The following PPP3CC variants were observed in gnomAD, a reference collection of about 807,000 sequenced individuals.
PPP3CC encodes the protein protein phosphatase 3 catalytic subunit gamma.
A neutral mutation model predicts 60.3 loss-of-function variants in PPP3CC; 35 were observed. The ratio of observed to expected loss-of-function variants is 0.58; its 90% CI spans 0.44 to 0.77. The LOEUF (loss-of-function observed/expected upper bound fraction) is 0.77. Ranked by LOEUF, PPP3CC falls within the 30% of genes least tolerant of loss-of-function variation. The pLI, the probability that PPP3CC is intolerant of heterozygous loss-of-function variation, is 0.00. For synonymous variants in PPP3CC, 206 were observed against 224.3 expected, an observed-to-expected ratio of 0.92 and a Z score of 0.73; for missense variants, 570 against 628.9, an observed-to-expected ratio of 0.91 and a Z score of 1.00.
At chr8:22,540,530 T>C (rs933966610) in intron 13 of PPP3CC, 85 bp from the exon 14 acceptor site, 7 of 1,330,094 alleles carry the variant, frequency 5.3e-6, no homozygotes, top group African/African-American at 1.5e-5. Flanking sequence ...CTCTAGGAGG[T>C]TGCTGTGTGC....
chr8:22,474,075 A>G (rs1266376954), intron 1 of PPP3CC, among the ~76,000 whole-genome samples: 1 of 151,090 alleles, frequency 6.6e-6, no homozygotes, highest in African/African-American at 2.4e-5. Context: ...TTGTATTTTT[A>G]GTAGAGGTGG....
chr8:22,497,275 C>T (rs557523361), intron 3 of PPP3CC, among the ~76,000 whole-genome samples: 11 of 151,870 alleles, frequency 7.2e-5, no homozygotes, highest in Admixed American at 2.6e-4. Context: ...GTGATCTGCC[C>T]GCCTTGGCCT....
chr8:22,511,316 G>C, intron 5 of PPP3CC, 85 bp downstream of exon 5: 1 of 1,406,108 alleles, frequency 7.1e-7, no homozygotes. Flanking sequence ...TTGAGACAGA[G>C]TCTCTCTCTT....
chr8:22,481,337 A>G (rs1039434417), intron 3 of PPP3CC, among the ~76,000 whole-genome samples: 3 of 123,210 alleles, frequency 2.4e-5, no homozygotes, highest in Non-Finnish European at 5.2e-5. Flanking sequence ...CTCTGTCTCA[A>G]GAAAAATAAA....
At position 22,537,528 on chromosome 8, in the gene PPP3CC, A is replaced by C. The variant is rs1367025746; in HGVS notation, c.1322-1941A>C. Among the ~76,000 whole-genome samples the C allele has an allele frequency of 2.0e-5, 3 of 152,340 alleles. No individual in the cohort carries two copies. The East Asian group carries it at 5.8e-4, about 29-fold the overall frequency. ...CTTCAAATGATTAAACATAGAATTG[A>C]CTTATTACTCAGCAATTCCAGTCAT... On this transcript the variant is annotated intron_variant, in intron 12 of 13. Transcript: ENST00000240139.
chr8:22,538,504 C>T (rs1215465058), intron 12 of PPP3CC, among the ~76,000 whole-genome samples: 1 of 152,196 alleles, frequency 6.6e-6, no homozygotes, highest in Non-Finnish European at 1.5e-5. Flanking sequence ...TTTCTCTTCT[C>T]ATATTGATAT....
In PPP3CC at chr8:22,513,517, A is replaced by G. The variant is rs187953487; in HGVS notation, c.770+85A>G. On this transcript the variant is annotated intron_variant, in intron 6 of 13. Transcript: ENST00000240139. Reference sequence around the variant, plus strand: ...GATTTTTCAGCATTTTATATTTCAAATCTATGTAGTATAAGCACTCCTGTT... The same window carrying G: ...GATTTTTCAGCATTTTATATTTCAAGTCTATGTAGTATAAGCACTCCTGTT... The G allele has an allele frequency of 8.6e-5, 123 of 1,424,736 alleles. 2 individuals are homozygous for G. In the Admixed American group the frequency reaches 2.3e-3, roughly 27 times the overall value. The allele number at this position is 1,424,736 out of a possible 1,614,324, so 88.3% of individuals were successfully genotyped here.
chr8:22,446,004 G>A (rs1307276587), intron 1 of PPP3CC, among the ~76,000 whole-genome samples: 1 of 152,138 alleles, frequency 6.6e-6, no homozygotes, highest in East Asian at 1.9e-4. Context: ...TATTGGTTGT[G>A]ATCAAAGCTT....
At position 22,532,209 on chromosome 8, in the gene PPP3CC, C is replaced by A. The variant is rs753514717; in HGVS notation, c.1142-16C>A. On this transcript the variant is annotated splice_polypyrimidine_tract_variant and intron_variant, in intron 10 of 13. Coordinates refer to ENST00000240139, the MANE Select transcript of PPP3CC (RefSeq NM_005605.5). The stretch of plus-strand genomic sequence containing the variant: ...AACACATCCCTTTAACTTACTTATT[C>A]TTTGTATTCTCTAAGGAAGCACTAC... 6.3e-7 allele frequency: 1 copy of A among 1,588,780 alleles called. No homozygotes were observed. The highest frequency in any genetic ancestry group is 1.7e-5 in the Admixed American group (1 of 59,300).
At chr8:22,520,461 T>C (rs1044895202) in intron 6 of PPP3CC, among the ~76,000 whole-genome samples, 3 of 152,216 alleles carry the variant, frequency 2.0e-5, no homozygotes, top group Non-Finnish European at 4.4e-5. Flanking sequence ...TTTCACTTGA[T>C]GTTGTCCCAT....
chr8:22,466,454 C>T (rs963075678), intron 1 of PPP3CC, among the ~76,000 whole-genome samples: 12 of 152,114 alleles, frequency 7.9e-5, no homozygotes, highest in Non-Finnish European at 1.5e-4. Flanking sequence ...CACCCACCAA[C>T]GGTGTATTTC....
At chr8:22,451,854 G>A (rs959162982) in intron 1 of PPP3CC, among the ~76,000 whole-genome samples, 1 of 152,060 alleles carries the variant, frequency 6.6e-6, no homozygotes, top group African/African-American at 2.4e-5. Flanking sequence ...TTGGACTTGG[G>A]TTCCATTCCC....
chr8:22,460,256 G>T (rs1837327300), intron 1 of PPP3CC, among the ~76,000 whole-genome samples: 1 of 152,106 alleles, frequency 6.6e-6, no homozygotes, highest in Non-Finnish European at 1.5e-5. Flanking sequence ...TAGTTTGAAA[G>T]ATTAGCAGAA....
rs1338426582 is a variant in PPP3CC, at chr8:22,509,120, A to ATGT, written c.485-1966_485-1965insTGT. 2.6e-5 allele frequency among the ~76,000 whole-genome samples: 4 copies of ATGT among 152,290 alleles called. No individual in the cohort carries two copies. The East Asian group carries it at 7.7e-4, about 29-fold the overall frequency. ...CACACTCAGGGATGGAAGGCCTTAC[A>ATGT]ACCTCAAGCGTGGTCTACTGGTTTA... On this transcript the variant is annotated intron_variant, in intron 4 of 13. Transcript: ENST00000240139.
intron 3 of PPP3CC, among the ~76,000 whole-genome samples, chr8:22,482,351 C>T (rs953870633): frequency 2.9e-4 from 44 of 152,156 alleles, no homozygotes; most frequent in African/African-American, 1.7e-4. Flanking sequence ...AGTGTCTGTT[C>T]ATATCCTTTG....
At chr8:22,536,158 TC>T (rs1270529573) in intron 12 of PPP3CC, among the ~76,000 whole-genome samples, 1 of 152,264 alleles carries the variant, frequency 6.6e-6, no homozygotes, top group African/African-American at 2.4e-5. Context: ...TTTTCCTAGT[TC>T]CTTTAGTTTC....
At chr8:22,521,539 G>T in intron 6 of PPP3CC, among the ~76,000 whole-genome samples, 1 of 152,134 alleles carries the variant, frequency 6.6e-6, no homozygotes, top group South Asian at 2.1e-4. Context: ...CAATCCTAAG[G>T]TTCTTACAAT....
rs1216572710 is a variant in PPP3CC, at chr8:22,522,701, A to C, written c.895A>C (p.Ile299Leu). The C allele has an allele frequency of 7.5e-6, 12 of 1,606,806 alleles. No individual in the cohort carries two copies. Among genetic ancestry groups the C allele is most frequent in the Admixed American group, 1.7e-5 (1 of 59,954 alleles). ...KSQATGFPSL[I>L]TIFSAPNYLD... Reference sequence around the variant, plus strand: ...CCAAGCCACAGGCTTTCCATCACTTATTACAATTTTCTCTGCCCCCAATTA... The same window carrying C: ...CCAAGCCACAGGCTTTCCATCACTTCTTACAATTTTCTCTGCCCCCAATTA... The change falls in exon 8 of 14, where the codon ATT becomes CTT. Residue 299 changes from isoleucine to leucine, a missense_variant. Coordinates refer to ENST00000240139, the MANE Select transcript of PPP3CC (RefSeq NM_005605.5).
intron 3 of PPP3CC, among the ~76,000 whole-genome samples, chr8:22,494,927 A>G (rs1483024912): frequency 2.6e-5 from 4 of 152,160 alleles, no homozygotes; most frequent in African/African-American, 4.8e-5. Context: ...GTGGCATACT[A>G]CAGCTACTCT....
Sources: gnomAD v4.1 joint callset for allele counts (sites outside exome capture counted in the v4.1 genomes callset) on GRCh38, gnomAD v4.1.1 for gene constraint, MANE v1.5 for transcripts, NCBI Gene and HGNC (gene_info 2026-07-23, HGNC 2026-07-21) for gene names.